The following NDST4 variants were observed in gnomAD, a reference collection of about 807,000 sequenced individuals.
The protein encoded by NDST4 is N-deacetylase and N-sulfotransferase 4.
In NDST4, 63 loss-of-function variants were observed where a neutral mutation model predicts 100.8. The observed-to-expected ratio is 0.62, with a 90% CI of 0.51 to 0.77. The LOEUF (loss-of-function observed/expected upper bound fraction) is 0.77. Ranked by LOEUF, NDST4 falls within the 30% of genes least tolerant of loss-of-function variation. The pLI is 0.00. For missense variants in NDST4, 943 were observed against 1,018.4 expected (o/e 0.93, Z 1.01); for synonymous variants, 377 against 361.8 (o/e 1.04, Z -0.48).
intron 4 of NDST4, among the ~76,000 whole-genome samples, chr4:114,949,653 C>A (rs1256679860): frequency 6.6e-6 from 1 of 151,938 alleles, no homozygotes; most frequent in Non-Finnish European, 1.5e-5. Flanking sequence ...GGGCAGAGCC[C>A]CAGCAATATC....
chr4:114,947,447 C>T (rs1398893685), intron 4 of NDST4, among the ~76,000 whole-genome samples: 1 of 151,996 alleles, frequency 6.6e-6, no homozygotes, highest in Non-Finnish European at 1.5e-5. Context: ...AGCACTACTC[C>T]CTTAATTGCA....
chr4:114,969,313 C>CA (rs1726454623), intron 4 of NDST4, among the ~76,000 whole-genome samples: 4 of 46,014 alleles, frequency 8.7e-5, no homozygotes, highest in African/African-American at 4.4e-4. Flanking sequence ...GACTCCGTCT[C>CA]AAAAAAAGAA....
chr4:114,991,217 A>G (rs183172302), intron 2 of NDST4, among the ~76,000 whole-genome samples: 1 of 152,166 alleles, frequency 6.6e-6, no homozygotes, highest in East Asian at 1.9e-4. Context: ...ATTTAAGACA[A>G]ATGAGAATAA....
chr4:115,017,974 G>T (rs1013634076), intron 2 of NDST4, among the ~76,000 whole-genome samples: 2 of 151,752 alleles, frequency 1.3e-5, no homozygotes, highest in Admixed American at 6.6e-5. Context: ...ATTAATAAGG[G>T]TATGATGTTA....
At chr4:115,032,148 C>T (rs1728130272) in intron 2 of NDST4, among the ~76,000 whole-genome samples, 1 of 152,056 alleles carries the variant, frequency 6.6e-6, no homozygotes, top group Middle Eastern at 3.2e-3. Context: ...TTTAAGCACA[C>T]ATGATGTTCT....
At chr4:114,854,221 T>C (rs1375972104) in intron 7 of NDST4, among the ~76,000 whole-genome samples, 2 of 152,228 alleles carry the variant, frequency 1.3e-5, no homozygotes, top group South Asian at 2.1e-4. Context: ...CATGAGAACA[T>C]GTGAAGTTTG....
intron 1 of NDST4, among the ~76,000 whole-genome samples, chr4:115,086,481 T>G (rs1729412317): frequency 6.6e-6 from 1 of 152,184 alleles, no homozygotes; most frequent in African/African-American, 2.4e-5. Flanking sequence ...TAATATAAAT[T>G]TATTTTAGTC....
chr4:114,869,480 TCAC>T (rs1724101851), intron 7 of NDST4, among the ~76,000 whole-genome samples: 1 of 152,156 alleles, frequency 6.6e-6, no homozygotes, highest in African/African-American at 2.4e-5. Flanking sequence ...TTTTGAATAA[TCAC>T]CATTTGTGGG....
At chr4:114,828,026 A>G in intron 13 of NDST4, 91 bp from the exon 14 acceptor site, 1 of 1,113,784 alleles carries the variant, frequency 9.0e-7, no homozygotes, top group South Asian at 1.7e-5. Context: ...TATATCTACT[A>G]CAGTATACGT....
chr4:114,999,467 G>A (rs544802326), intron 2 of NDST4, among the ~76,000 whole-genome samples: 1 of 152,074 alleles, frequency 6.6e-6, no homozygotes, highest in Non-Finnish European at 1.5e-5. Flanking sequence ...TGCACAGAAA[G>A]TGCTCCATAA....
At chr4:114,960,199 T>C (rs1726230593) in intron 4 of NDST4, among the ~76,000 whole-genome samples, 1 of 152,204 alleles carries the variant, frequency 6.6e-6, no homozygotes, top group Non-Finnish European at 1.5e-5. Flanking sequence ...AATAAATACA[T>C]TCACAGATAT....
chr4:114,904,758 C>G (rs902143919), intron 6 of NDST4, among the ~76,000 whole-genome samples: 1 of 151,678 alleles, frequency 6.6e-6, no homozygotes, highest in African/African-American at 2.4e-5. Context: ...ATTAAATATA[C>G]ACAAATCCAA....
In NDST4 at chr4:114,977,062, T is replaced by TCC. The variant is rs1726654295; in HGVS notation, c.1066+124_1066+125insGG. The TCC allele has an allele frequency of 4.6e-6, 3 of 653,534 alleles. No individual in the cohort carries two copies. The African/African-American group carries it at 5.5e-5, about 12-fold the overall frequency. The allele number at this position is 653,534 out of a possible 1,614,324, so 40.5% of individuals were successfully genotyped here. On this transcript the variant is annotated intron_variant, in intron 3 of 13. Transcript: ENST00000264363. ...GCTCATTGATTTTGGATTTGGCTAC[T>TCC]CAAATAATGTGCCCAAGTTTTTCCC...
chr4:114,890,710 T>C (rs1053182572), intron 6 of NDST4, among the ~76,000 whole-genome samples: 1 of 152,214 alleles, frequency 6.6e-6, no homozygotes, highest in Middle Eastern at 3.4e-3. Flanking sequence ...TACTCAAGGT[T>C]AATCCTCTGT....
chr4:114,949,203 A>AT (rs1249064008), intron 4 of NDST4, among the ~76,000 whole-genome samples: 2 of 151,912 alleles, frequency 1.3e-5, no homozygotes, highest in Non-Finnish European at 2.9e-5. Flanking sequence ...AACTCTATCA[A>AT]TTTTTTTAGA....
At chr4:114,883,249 T>C (rs1483522863) in intron 6 of NDST4, among the ~76,000 whole-genome samples, 1 of 152,038 alleles carries the variant, frequency 6.6e-6, no homozygotes, top group Non-Finnish European at 1.5e-5. Context: ...AAGTAATGCA[T>C]TGGGTGAGTA....
intron 6 of NDST4, among the ~76,000 whole-genome samples, chr4:114,907,730 G>C (rs1010131156): frequency 3.9e-5 from 6 of 151,948 alleles, no homozygotes; most frequent in Admixed American, 3.9e-4. Flanking sequence ...TTGGGGTGGG[G>C]GTGGTCAAAA....
At chr4:114,890,543 C>T (rs537240973) in intron 6 of NDST4, among the ~76,000 whole-genome samples, 2 of 152,152 alleles carry the variant, frequency 1.3e-5, no homozygotes, top group Admixed American at 1.3e-4. Context: ...ACTGCATAAG[C>T]TTTCCTTCCA....
intron 6 of NDST4, among the ~76,000 whole-genome samples, chr4:114,902,328 C>A (rs2126210699): frequency 1.3e-5 from 2 of 152,024 alleles, no homozygotes; most frequent in South Asian, 4.1e-4. Context: ...ATTTCTTCTT[C>A]ATAGTTAAAG....
Sources: allele counts gnomAD v4.1 joint callset (sites outside exome capture counted in the v4.1 genomes callset), GRCh38; gene constraint gnomAD v4.1.1; transcripts MANE v1.5; gene names NCBI Gene and HGNC (gene_info 2026-07-23, HGNC 2026-07-21).